The following SLC14A1 variants were observed in gnomAD, a reference collection of about 807,000 sequenced individuals.
SLC14A1 encodes solute carrier family 14 member 1 (Kidd blood group), also known as urea transporter 1.
SLC14A1 carries 36 observed loss-of-function variants against 39.6 expected under a neutral mutation model. That is an observed-to-expected ratio of 0.91 (90% CI 0.70 to 1.20). The LOEUF (loss-of-function observed/expected upper bound fraction) is 1.20, where lower values mean the gene tolerates loss of function less well. Ranked by LOEUF, SLC14A1 falls within the 50% of genes most tolerant of loss-of-function variation. SLC14A1 has a pLI of 0.00. For synonymous variants in SLC14A1, 164 were observed against 173.6 expected, an observed-to-expected ratio of 0.94 and a Z score of 0.43; for missense variants, 469 against 478.7, an observed-to-expected ratio of 0.98 and a Z score of 0.19.
intron 4 of SLC14A1, among the ~76,000 whole-genome samples, chr18:45,733,883 G>T (rs115395074): frequency 4.6e-5 from 7 of 152,228 alleles, no homozygotes; most frequent in Non-Finnish European, 7.4e-5. Context: ...ATAAGAGTGC[G>T]AACCCCATTA....
chr18:45,727,422 T>C, intron 2 of SLC14A1: 3 of 1,539,310 alleles, frequency 1.9e-6, no homozygotes, highest in Non-Finnish European at 2.6e-6. Context: ...GGAACAGGTA[T>C]GCTTCCTTCG....
At chr18:45,727,251 A>G (rs767279121) in intron 2 of SLC14A1, 3 of 1,551,094 alleles carry the variant, frequency 1.9e-6, no homozygotes, top group Non-Finnish European at 2.6e-6. Context: ...GCCCTTTGTC[A>G]TGTATTGAGA....
Position 45,730,462 on chromosome 18 carries a change from C to T in SLC14A1, c.142C>T (p.Gln48Ter). The T allele has an allele frequency of 6.2e-7, 1 of 1,614,164 alleles. No homozygotes were observed. Among genetic ancestry groups the T allele is most frequent in the Non-Finnish European group, 8.5e-7 (1 of 1,180,022 alleles). Residue 48 changes from glutamine (Q) to a stop codon, truncating the protein, a stop_gained, in exon 3 of 10, where the codon CAG becomes TAG. Coordinates refer to ENST00000321925, the MANE Select transcript of SLC14A1 (RefSeq NM_015865.7). LOFTEE classifies it high-confidence loss of function. ...CGGTGACATGAAAGAACTTGCCAAC[C>T]AGCTTAAAGGTATTTATCCTTTCAC... is the stretch of plus-strand genomic sequence containing the variant. ...VTGDMKELAN[Q>*]LKDKPVVLQF... is the part of the protein sequence containing the mutation.
In SLC14A1 at chr18:45,752,069, C is replaced by T. The variant is rs1198834779; in HGVS notation, c.*2118C>T. The T allele has an allele frequency of 1.0e-6, 1 of 985,230 alleles. No homozygotes were observed. Among genetic ancestry groups the T allele is most frequent in the East Asian group, 1.1e-4 (1 of 8,820 alleles). 61.0% of individuals were successfully genotyped at this position (985,230 alleles called of 1,614,324 possible). On this transcript the variant is annotated 3_prime_UTR_variant, in exon 10 of 10. Transcript: ENST00000321925. The stretch of plus-strand genomic sequence containing the variant: ...AAACATATCGTTCCAATTTTAAAAC[C>T]CAGTGACCAAAGCCTTTGGAACTAT...
intron 8 of SLC14A1, among the ~76,000 whole-genome samples, chr18:45,743,404 AT>A (rs11363137): frequency 0.086 from 12,589 of 145,762 alleles, 954 homozygotes; most frequent in African/African-American, 0.21. Flanking sequence ...CTTTGGATAG[AT>A]TTTTTTTTTT....
intron 8 of SLC14A1, among the ~76,000 whole-genome samples, chr18:45,742,805 TC>T (rs2047425288): frequency 6.6e-6 from 1 of 151,540 alleles, no homozygotes; most frequent in Non-Finnish European, 1.5e-5. Context: ...TGCCTCAGCC[TC>T]CCCAGTAGCT....
At chr18:45,724,599 A>G (rs1156882851) in intron 1 of SLC14A1, among the ~76,000 whole-genome samples, 1 of 152,190 alleles carries the variant, frequency 6.6e-6, no homozygotes, top group East Asian at 1.9e-4. Context: ...CACTATTAGG[A>G]GTTTCAGGTT....
At chr18:45,749,671 C>A (rs2047654995) in intron 9 of SLC14A1, 107 bp from the exon 10 acceptor site, 2 of 1,262,208 alleles carry the variant, frequency 1.6e-6, no homozygotes, top group South Asian at 1.2e-5. Flanking sequence ...GCAATGCCCC[C>A]AGTGGTTCAT....
At chr18:45,744,019 T>TTC (rs2047469898) in intron 8 of SLC14A1, among the ~76,000 whole-genome samples, 1 of 954 alleles carries the variant, frequency 1.0e-3, no homozygotes, top group East Asian at 0.5. Flanking sequence ...CCTTCTGTAC[T>TTC]TTTTTTTTTT....
At chr18:45,728,566 G>A (rs767785397) in intron 2 of SLC14A1, among the ~76,000 whole-genome samples, 1 of 152,168 alleles carries the variant, frequency 6.6e-6, no homozygotes, top group Non-Finnish European at 1.5e-5. Flanking sequence ...CAAGCAATAT[G>A]TTCAGCTATG....
chr18:45,734,503 T>C, intron 5 of SLC14A1, 101 bp downstream of exon 5: 1 of 1,297,508 alleles, frequency 7.7e-7, no homozygotes, highest in East Asian at 2.3e-5. Context: ...TTTTGCAAGA[T>C]GAAATATGTT....
chr18:45,738,080 G>A (rs569064177), intron 6 of SLC14A1, among the ~76,000 whole-genome samples: 1 of 152,318 alleles, frequency 6.6e-6, no homozygotes, highest in East Asian at 1.9e-4. Context: ...ACTCAGCATG[G>A]GCTGGAAGAA....
intron 4 of SLC14A1, among the ~76,000 whole-genome samples, chr18:45,732,150 C>G (rs1393875014): frequency 1.3e-5 from 2 of 152,190 alleles, no homozygotes; most frequent in Non-Finnish European, 2.9e-5. Context: ...TCTGATGAAA[C>G]ATGATCAACT....
At chr18:45,726,989 T>G in intron 2 of SLC14A1, 1 of 364,842 alleles carries the variant, frequency 2.7e-6, no homozygotes, top group African/African-American at 2.1e-5. Context: ...GGTCCCTGTG[T>G]AGGATGGCTT....
At chr18:45,733,470 A>T (rs2047091084) in intron 4 of SLC14A1, among the ~76,000 whole-genome samples, 1 of 152,366 alleles carries the variant, frequency 6.6e-6, no homozygotes, top group South Asian at 2.1e-4. Context: ...ATTAATGTTG[A>T]TAAGATCAAA....
intron 7 of SLC14A1, 31 bp downstream of exon 7, chr18:45,739,341 GC>G: frequency 6.2e-7 from 1 of 1,613,920 alleles, no homozygotes; most frequent in Non-Finnish European, 8.5e-7. Flanking sequence ...CAAATATTGA[GC>G]ACCTCCTCCA....
At chr18:45,730,721 A>T (rs1003816995) in intron 3 of SLC14A1, among the ~76,000 whole-genome samples, 2 of 152,100 alleles carry the variant, frequency 1.3e-5, no homozygotes, top group Non-Finnish European at 1.5e-5. Context: ...CTTAAAACTT[A>T]AATTTATTCC....
chr18:45,748,467 C>A lies in SLC14A1; in HGVS notation c.996+42C>A, dbSNP rs753525998. On this transcript the variant is annotated intron_variant, in intron 9 of 9. Transcript: ENST00000321925. ...CTCACTTTTCATTAGCGTAATTGAC[C>A]AGCTTACAACTATATGGGAAATGCT... is the stretch of plus-strand genomic sequence containing the variant. The A allele has an allele frequency of 3.1e-6, 5 of 1,594,422 alleles. No individual in the cohort carries two copies. The East Asian group carries it at 6.7e-5, about 21-fold the overall frequency.
At chr18:45,726,220 G>A (rs1462920295) in intron 2 of SLC14A1, among the ~76,000 whole-genome samples, 1 of 152,160 alleles carries the variant, frequency 6.6e-6, no homozygotes. Context: ...CCTGAGACAT[G>A]TCAGAAGTGT....
Sources: allele counts gnomAD v4.1 joint callset (sites outside exome capture counted in the v4.1 genomes callset), GRCh38; gene constraint gnomAD v4.1.1; transcripts MANE v1.5; gene names NCBI Gene and HGNC (gene_info 2026-07-23, HGNC 2026-07-21).